Variants in ZZEF1 observed in about 807,000 individuals in gnomAD.
ZZEF1 encodes zinc finger ZZ-type and EF-hand domain-containing protein 1.
Under a neutral mutation model 342.8 loss-of-function variants are expected in ZZEF1, and 157 were observed. The observed-to-expected ratio is 0.46, with a 90% CI of 0.40 to 0.52. The LOEUF (loss-of-function observed/expected upper bound fraction) is 0.52, where lower values mean the gene tolerates loss of function less well. Ranked by LOEUF, ZZEF1 falls within the 20% of genes least tolerant of loss-of-function variation. The pLI is 0.00. For synonymous variants in ZZEF1, 1,505 were observed against 1,429.1 expected, an observed-to-expected ratio of 1.05 and a Z score of -1.20; for missense variants, 3,480 against 3,725.6, an observed-to-expected ratio of 0.93 and a Z score of 1.72.
At chr17:4,137,140 C>T (rs936799472) in intron 1 of ZZEF1, among the ~76,000 whole-genome samples, 1 of 152,024 alleles carries the variant, frequency 6.6e-6, no homozygotes, top group Non-Finnish European at 1.5e-5. Context: ...CAATGGGGAG[C>T]CACTGAAGTT....
chr17:4,105,998 A>G (rs2058206390), intron 6 of ZZEF1, among the ~76,000 whole-genome samples, 189 bp from the exon 7 acceptor site: 1 of 152,028 alleles, frequency 6.6e-6, no homozygotes, highest in South Asian at 2.1e-4. Context: ...CACCCAGGCT[A>G]GAGTGCAGTG....
In ZZEF1 at chr17:4,090,846, T is replaced by C. The variant is rs760571685; in HGVS notation, c.1914-16A>G. ...GCAACCAATCCTGTAAAGACAAGAG[T>C]ATTCACAAAACATTTTATTTTGAAA... On this transcript the variant is annotated splice_polypyrimidine_tract_variant and intron_variant, in intron 11 of 54. Coordinates refer to ENST00000381638, the MANE Select transcript of ZZEF1 (RefSeq NM_015113.4). 24 of 1,597,860 alleles carry C rather than the reference T, an allele frequency of 1.5e-5. No individual in the cohort carries two copies. Among genetic ancestry groups the C allele is most frequent in the Non-Finnish European group, 2.0e-5 (23 of 1,165,728 alleles).
intron 21 of ZZEF1, among the ~76,000 whole-genome samples, 186 bp from the exon 22 acceptor site, chr17:4,075,615 G>T (rs1352496828): frequency 6.6e-6 from 1 of 152,148 alleles, no homozygotes; most frequent in East Asian, 1.9e-4. Context: ...CGTCCACCAC[G>T]CAGCCGAGGA....
Position 4,034,188 on chromosome 17 carries a change from C to T in ZZEF1, c.6411G>A (p.Leu2137=), listed in dbSNP as rs780442064. The change falls in exon 40 of 55, where the codon CTG becomes CTA. Residue 2137 remains leucine (L), a synonymous_variant. Coordinates refer to ENST00000381638, the MANE Select transcript of ZZEF1 (RefSeq NM_015113.4). ...GGATAATTAACTGGCCGAGAAGACC[C>T]AGGGTGAGATGGTAGGTTTCATTCA... ...GHLNETYHLT[L]GLLGQLIIRL... 2.5e-6 allele frequency: 4 copies of T among 1,614,072 alleles called. No individual in the cohort carries two copies. The highest frequency in any genetic ancestry group is 3.4e-6 in the Non-Finnish European group (4 of 1,180,038).
chr17:4,023,458 T>C (rs145213824), intron 43 of ZZEF1, among the ~76,000 whole-genome samples: 4 of 152,232 alleles, frequency 2.6e-5, no homozygotes, highest in Admixed American at 2.6e-4. Context: ...TTAGGGAGTT[T>C]ATTTTCCCTT....
chr17:4,024,791 T>C (rs2056365785), intron 43 of ZZEF1, 128 bp downstream of exon 43: 7 of 942,834 alleles, frequency 7.4e-6, no homozygotes, highest in Non-Finnish European at 1.0e-5. Context: ...CCCACGCGTT[T>C]CTAAAAATAA....
Position 4,034,160 on chromosome 17 carries a change from G to A in ZZEF1, c.6439C>T (p.Leu2147Phe), listed in dbSNP as rs1427602209. The A allele has an allele frequency of 3.1e-6, 5 of 1,614,084 alleles. No individual in the cohort carries two copies. In the Admixed American group the frequency reaches 8.3e-5, roughly 27 times the overall value. The change falls in exon 40 of 55, where the codon CTT (leucine) becomes TTT (phenylalanine). Residue 2147 changes from leucine to phenylalanine, a missense_variant. Physicochemically the swap from Leu to Phe is conservative, Grantham distance 22. Transcript: ENST00000381638. ...LGLLGQLIIR[L>F]LPAEVDAAVI... Reference sequence around the variant, plus strand: ...GCGGCGTCTACCTCTGCTGGCAAAAGACGGATAATTAACTGGCCGAGAAGA... The same window carrying A: ...GCGGCGTCTACCTCTGCTGGCAAAAAACGGATAATTAACTGGCCGAGAAGA...
chr17:4,071,824 A>G (rs148842769), intron 25 of ZZEF1, among the ~76,000 whole-genome samples: 1 of 152,282 alleles, frequency 6.6e-6, no homozygotes, highest in Non-Finnish European at 1.5e-5. Flanking sequence ...AGCGGGGAGA[A>G]AACCAGACCT....
Position 4,078,001 on chromosome 17 carries a change from G to A in ZZEF1, c.2871C>T (p.Gly957=). The A allele has an allele frequency of 6.2e-7, 1 of 1,614,046 alleles. No homozygotes were observed. ...LMLSGAPGEV[G]SVLFSLFWSV... ...ACCAGAACAGGGAGAAGAGCACAGA[G>A]CCCACCTCCCCTGGGGCCCCACTGA... The change falls in exon 19 of 55, where the codon GGC becomes GGT. Residue 957 remains glycine (G), a synonymous_variant. Coordinates refer to ENST00000381638, the MANE Select transcript of ZZEF1 (RefSeq NM_015113.4).
rs751020736 is a variant in ZZEF1 at position 4,117,022 on chromosome 17, C to T, written c.644G>A (p.Arg215Gln). Reference sequence around the variant, plus strand: ...CAGAGACTCCTTCAGGACGGAAGACCGCATGGTGCACATGTTATTGCAGTG... The same window carrying T: ...CAGAGACTCCTTCAGGACGGAAGACTGCATGGTGCACATGTTATTGCAGTG... ...LEHCNNMCTM[R>Q]SSVLKESLDQ... The change falls in exon 3 of 55, where the codon CGG (arginine) becomes CAG (glutamine). Residue 215 changes from arginine to glutamine, a missense_variant. By Grantham distance (43) the Arg-to-Gln change is conservative. Coordinates refer to ENST00000381638, the MANE Select transcript of ZZEF1 (RefSeq NM_015113.4). 7.4e-6 allele frequency: 12 copies of T among 1,613,568 alleles called. No homozygotes were observed. Among genetic ancestry groups the T allele is most frequent in the African/African-American group, 4.0e-5 (3 of 74,916 alleles).
intron 4 of ZZEF1, 147 bp from the exon 5 acceptor site, chr17:4,112,955 G>T: frequency 1.5e-6 from 1 of 665,284 alleles, no homozygotes; most frequent in Non-Finnish European, 2.4e-6. Context: ...CTGGCTATGA[G>T]TTTCAAAGTC....
At chr17:4,131,708 G>A (rs912960250) in intron 1 of ZZEF1, among the ~76,000 whole-genome samples, 2 of 151,974 alleles carry the variant, frequency 1.3e-5, no homozygotes, top group African/African-American at 4.8e-5. Context: ...TGAGCCTAGG[G>A]GGTCGAGGTG....
At chr17:4,046,794 CTG>C (rs1385175234) in intron 37 of ZZEF1, among the ~76,000 whole-genome samples, 1 of 152,226 alleles carries the variant, frequency 6.6e-6, no homozygotes, top group Non-Finnish European at 1.5e-5. Flanking sequence ...TCACAGGACA[CTG>C]TAAACAGAAT....
At position 4,056,006 on chromosome 17, in the gene ZZEF1, C is replaced by G. The variant is rs140125845; in HGVS notation, c.5295+210G>C. Among the ~76,000 whole-genome samples the G allele has an allele frequency of 5.4e-4, 82 of 152,336 alleles. 1 individual carries two copies. In the East Asian group the frequency reaches 0.015, roughly 28 times the overall value. On this transcript the variant is annotated intron_variant, in intron 33 of 54. Coordinates refer to ENST00000381638, the MANE Select transcript of ZZEF1 (RefSeq NM_015113.4). ...GTGAAAATCCAATGCCGCAGCTGAT[C>G]GGACAGGAGGCGGAGCTCAGCCTCC...
chr17:4,018,282 G>GT (rs954193312), intron 46 of ZZEF1, among the ~76,000 whole-genome samples: 11 of 151,478 alleles, frequency 7.3e-5, no homozygotes, highest in Non-Finnish European at 1.2e-4. Context: ...AAATTTATTT[G>GT]TTTTTTTTAG....
intron 1 of ZZEF1, among the ~76,000 whole-genome samples, chr17:4,139,372 C>T (rs976802471): frequency 2.0e-5 from 3 of 152,222 alleles, no homozygotes; most frequent in African/African-American, 7.2e-5. Context: ...ATAAACCATG[C>T]GCACCCGTGG....
intron 6 of ZZEF1, among the ~76,000 whole-genome samples, chr17:4,107,478 G>A (rs183383422): frequency 9.7e-4 from 148 of 152,230 alleles, no homozygotes; most frequent in African/African-American, 3.5e-3. Context: ...ACAAAGGTAC[G>A]GCCTGATATG....
At chr17:4,055,623 C>A (rs770948313) in intron 33 of ZZEF1, among the ~76,000 whole-genome samples, 3 of 152,174 alleles carry the variant, frequency 2.0e-5, no homozygotes, top group Admixed American at 6.5e-5. Flanking sequence ...AGAGCCCAGG[C>A]CCTCCAGCAA....
At chr17:4,034,642 A>G (rs915756485) in intron 39 of ZZEF1, among the ~76,000 whole-genome samples, 1 of 152,174 alleles carries the variant, frequency 6.6e-6, no homozygotes, top group African/African-American at 2.4e-5. Context: ...GGAGATAACA[A>G]CTGTTAAGTG....
Sources: gnomAD v4.1 joint callset for allele counts (sites outside exome capture counted in the v4.1 genomes callset) on GRCh38, gnomAD v4.1.1 for gene constraint, MANE v1.5 for transcripts, NCBI Gene and HGNC (gene_info 2026-07-23, HGNC 2026-07-21) for gene names.